The following TMPRSS11D variants were observed in gnomAD, a reference collection of about 807,000 sequenced individuals.
TMPRSS11D encodes the protein transmembrane serine protease 11D.
TMPRSS11D carries 32 observed loss-of-function variants against 44.4 expected under a neutral mutation model. That is an observed-to-expected ratio of 0.72 (90% CI 0.54 to 0.97). TMPRSS11D has a LOEUF of 0.97. TMPRSS11D is among the 50% of genes least tolerant of loss of function. The pLI, the probability that TMPRSS11D is intolerant of heterozygous loss-of-function variation, is 0.00. For synonymous variants in TMPRSS11D, 179 were observed against 177.9 expected (o/e 1.01, Z -0.05); for missense variants, 446 against 502.6 (o/e 0.89, Z 1.08).
chr4:67,878,554 G>T (rs1017227680), intron 1 of TMPRSS11D, among the ~76,000 whole-genome samples: 1 of 152,124 alleles, frequency 6.6e-6, no homozygotes, highest in African/African-American at 2.4e-5. Context: ...TTTTGTTCCA[G>T]TGCTGTATAT....
intron 1 of TMPRSS11D, among the ~76,000 whole-genome samples, chr4:67,869,846 C>T (rs190798555): frequency 6.6e-4 from 101 of 152,276 alleles, no homozygotes; most frequent in African/African-American, 2.3e-3. Context: ...TATAATGAGA[C>T]CAAGGTCAAA....
chr4:67,862,462 G>T (rs1300026996), intron 1 of TMPRSS11D, among the ~76,000 whole-genome samples: 1 of 152,030 alleles, frequency 6.6e-6, no homozygotes, highest in South Asian at 2.1e-4. Flanking sequence ...CGTCTCTCCT[G>T]ACCTCACTTG....
At chr4:67,827,607 T>G (rs1281986945) in intron 7 of TMPRSS11D, 87 bp from the exon 8 acceptor site, 5 of 1,379,806 alleles carry the variant, frequency 3.6e-6, no homozygotes, top group Non-Finnish European at 4.8e-6. Context: ...CCTGTACCAC[T>G]ATCTAGAAAC....
intron 5 of TMPRSS11D, among the ~76,000 whole-genome samples, chr4:67,836,000 A>C (rs573383027): frequency 6.6e-6 from 1 of 152,268 alleles, no homozygotes; most frequent in African/African-American, 2.4e-5. Flanking sequence ...GCCATCTCAA[A>C]CTCAGTGGGA....
chr4:67,853,270 C>T (rs1038382569), intron 3 of TMPRSS11D, among the ~76,000 whole-genome samples: 3 of 152,150 alleles, frequency 2.0e-5, no homozygotes, highest in Non-Finnish European at 2.9e-5. Flanking sequence ...GTTAGAAGCT[C>T]ATTGCAGTGG....
rs1717662743 is a variant in TMPRSS11D, at chr4:67,822,332, T to C, written c.*5A>G. 6.2e-7 allele frequency: 1 copy of C among 1,613,622 alleles called. No individual in the cohort carries two copies. The highest frequency in any genetic ancestry group is 8.5e-7 in the Non-Finnish European group (1 of 1,179,618). On this transcript the variant is annotated 3_prime_UTR_variant, in exon 10 of 10. Coordinates refer to ENST00000283916, the MANE Select transcript of TMPRSS11D (RefSeq NM_004262.3). The stretch of plus-strand genomic sequence containing the variant: ...AGACTTTGCAACAGGGATGCACTTG[T>C]TGCACTAGATCCCAGTTTGTTGCCT...
intron 1 of TMPRSS11D, among the ~76,000 whole-genome samples, chr4:67,872,285 T>C (rs1019876067): frequency 2.0e-5 from 3 of 152,190 alleles, no homozygotes; most frequent in African/African-American, 7.2e-5. Context: ...TCCTCCTTTC[T>C]TTCATTCTTT....
At chr4:67,849,948 A>G (rs1718453237) in intron 3 of TMPRSS11D, among the ~76,000 whole-genome samples, 1 of 152,192 alleles carries the variant, frequency 6.6e-6, no homozygotes, top group Admixed American at 6.5e-5. Context: ...TATAATTTTT[A>G]TGGCATTGTA....
intron 1 of TMPRSS11D, 74 bp downstream of exon 1, chr4:67,883,852 G>T (rs1284951981): frequency 7.6e-7 from 1 of 1,310,848 alleles, no homozygotes; most frequent in Non-Finnish European, 1.0e-6. Context: ...AATTTGCTAA[G>T]CTTCTTTATA....
At chr4:67,845,943 A>G (rs1177348617) in intron 3 of TMPRSS11D, among the ~76,000 whole-genome samples, 1 of 152,196 alleles carries the variant, frequency 6.6e-6, no homozygotes, top group Non-Finnish European at 1.5e-5. Context: ...CATGGCTGCA[A>G]TAGAAAGGTC....
At chr4:67,840,772 C>T (rs1001315017) in intron 4 of TMPRSS11D, among the ~76,000 whole-genome samples, 5 of 152,114 alleles carry the variant, frequency 3.3e-5, no homozygotes, top group Non-Finnish European at 7.4e-5. Context: ...CAAAACATCT[C>T]ATGTACTCCA....
chr4:67,859,345 G>A (rs544895477), intron 2 of TMPRSS11D, among the ~76,000 whole-genome samples: 2 of 151,792 alleles, frequency 1.3e-5, no homozygotes, highest in African/African-American at 4.8e-5. Flanking sequence ...TATGTTTGGG[G>A]CACTAAAAAT....
chr4:67,851,727 TC>T (rs1162324568), intron 3 of TMPRSS11D, among the ~76,000 whole-genome samples: 1 of 150,988 alleles, frequency 6.6e-6, no homozygotes, highest in East Asian at 2.0e-4. Flanking sequence ...TGCTTTCATT[TC>T]GGTTTCCTCT....
chr4:67,835,034 C>G (rs778877215), intron 6 of TMPRSS11D, 49 bp downstream of exon 6: 1 of 1,541,544 alleles, frequency 6.5e-7, no homozygotes, highest in Non-Finnish European at 9.0e-7. Context: ...TGCACTTTTA[C>G]TCTTTATGAT....
At chr4:67,865,851 AC>A (rs1297127745) in intron 1 of TMPRSS11D, among the ~76,000 whole-genome samples, 3 of 151,902 alleles carry the variant, frequency 2.0e-5, no homozygotes, top group Non-Finnish European at 4.4e-5. Flanking sequence ...AAGAAAAAAA[AC>A]ATCTTTCAAC....
At chr4:67,862,614 T>C (rs1718816214) in intron 1 of TMPRSS11D, among the ~76,000 whole-genome samples, 1 of 152,056 alleles carries the variant, frequency 6.6e-6, no homozygotes, top group Non-Finnish European at 1.5e-5. Context: ...CCACCTTAAA[T>C]AGAAAAGTTC....
At chr4:67,837,819 T>C (rs1718132486) in intron 5 of TMPRSS11D, among the ~76,000 whole-genome samples, 1 of 145,696 alleles carries the variant, frequency 6.9e-6, no homozygotes, top group Non-Finnish European at 1.5e-5. Flanking sequence ...TGAAGAAGCC[T>C]CTGAGGTGGA....
intron 1 of TMPRSS11D, among the ~76,000 whole-genome samples, chr4:67,863,458 A>G (rs1029480274): frequency 6.6e-6 from 1 of 152,010 alleles, no homozygotes. Flanking sequence ...ATTTTTTCCA[A>G]TTAAAACATG....
At chr4:67,831,664 C>A (rs912458554) in intron 7 of TMPRSS11D, among the ~76,000 whole-genome samples, 2 of 151,944 alleles carry the variant, frequency 1.3e-5, no homozygotes, top group African/African-American at 2.4e-5. Flanking sequence ...GAAATCAATG[C>A]GTGCCATTTC....
Sources: allele counts gnomAD v4.1 joint callset (sites outside exome capture counted in the v4.1 genomes callset), GRCh38; gene constraint gnomAD v4.1.1; transcripts MANE v1.5; gene names NCBI Gene and HGNC (gene_info 2026-07-23, HGNC 2026-07-21).